LRRC4B: variants seen among roughly 807,000 people sequenced by gnomAD.
LRRC4B encodes leucine-rich repeat-containing protein 4B.
LRRC4B carries 1 observed loss-of-function variant against 7.3 expected under a neutral mutation model. The observed-to-expected ratio is 0.14, with a 90% confidence interval of 0.05 to 0.65. The LOEUF (loss-of-function observed/expected upper bound fraction) is 0.65. Ranked by LOEUF, LRRC4B falls within the 30% of genes least tolerant of loss-of-function variation. The pLI is 0.84. For synonymous variants in LRRC4B, 500 were observed against 499.2 expected (o/e 1.00, Z -0.02); for missense variants, 730 against 1,041.6 (o/e 0.70, Z 4.12).
rs1038026058 is a variant in LRRC4B at position 50,551,384 on chromosome 19, G to A, written c.-35-2511C>T. On this transcript the variant is annotated intron_variant, in intron 1 of 2. Coordinates refer to ENST00000652263, the MANE Select transcript of LRRC4B (RefSeq NM_001080457.2). ...CTGTCGCCCTTCCCACCCCTGGGGG[G>A]GGCTGTCCTTTGGCCACTGCAGCAG... Among the ~76,000 whole-genome samples, 89 of 151,328 alleles carry A rather than the reference G, an allele frequency of 5.9e-4. 2 individuals are homozygous for A. The highest frequency in any genetic ancestry group is 2.0e-4 in the Admixed American group (3 of 15,242).
Position 50,519,564 on chromosome 19 carries a change from G to A in LRRC4B, c.298-149C>T. Reference sequence around the variant, plus strand: ...GACCTATATTGCAACATGGTTTGATGAGTTTCTTATAAAGTTAAAACTGGA... The same window carrying A: ...GACCTATATTGCAACATGGTTTGATAAGTTTCTTATAAAGTTAAAACTGGA... On this transcript the variant is annotated intron_variant, in intron 2 of 2. Transcript: ENST00000652263. The surrounding 1 kb of genome is among the most constrained non-coding windows in gnomAD (Gnocchi z 8.1). 2 of 1,413,306 alleles carry A rather than the reference G, an allele frequency of 1.4e-6. No individual in the cohort carries two copies. The highest frequency in any genetic ancestry group is 2.4e-4 in the Middle Eastern group (1 of 4,114). The allele number at this position is 1,413,306 out of a possible 1,614,324, so 87.5% of individuals were successfully genotyped here.
intron 1 of LRRC4B, among the ~76,000 whole-genome samples, chr19:50,565,089 C>T (rs996557536): frequency 6.6e-6 from 1 of 152,188 alleles, no homozygotes; most frequent in African/African-American, 2.4e-5. Flanking sequence ...ACTCTCAGGG[C>T]TGTCTCTGAG....
At chr19:50,567,049 G>A (rs2892238) in intron 1 of LRRC4B, among the ~76,000 whole-genome samples, 1 of 150,194 alleles carries the variant, frequency 6.7e-6, no homozygotes, top group African/African-American at 2.5e-5. Context: ...GTTAGAGAAG[G>A]CTGAGGAGCA....
In LRRC4B at chr19:50,555,726, G is replaced by A. The variant is rs1229718929; in HGVS notation, c.-35-6853C>T. The A allele has an allele frequency of 6.6e-6, 1 of 152,280 alleles. No individual in the cohort carries two copies. The highest frequency in any genetic ancestry group is 1.5e-5 in the Non-Finnish European group (1 of 68,172). The allele number at this position is 152,280 out of a possible 1,614,324, so 9.4% of individuals were successfully genotyped here. ...GGGGACCCAGGAGAGGCGGGGTGAG[G>A]AGAAATGGGAGGCAGGGAACGTTCC... On this transcript the variant is annotated intron_variant, in intron 1 of 2. Coordinates refer to ENST00000652263, the MANE Select transcript of LRRC4B (RefSeq NM_001080457.2). The surrounding 1 kb of genome is among the most constrained non-coding windows in gnomAD (Gnocchi z 5.2).
intron 2 of LRRC4B, among the ~76,000 whole-genome samples, chr19:50,535,184 T>G (rs1163865428): frequency 6.6e-6 from 1 of 151,772 alleles, no homozygotes; most frequent in Non-Finnish European, 1.5e-5. Context: ...TTTATTTATT[T>G]ATTTTTAAGA....
At chr19:50,567,166 A>AG (rs1160622685) in intron 1 of LRRC4B, among the ~76,000 whole-genome samples, 2 of 40,422 alleles carry the variant, frequency 4.9e-5, no homozygotes, top group Non-Finnish European at 9.6e-5. Flanking sequence ...GGTTTCCAGG[A>AG]GGGGAGGGCG....
chr19:50,518,315 G>A lies in LRRC4B; in HGVS notation c.1398C>T (p.Ser466=), dbSNP rs1017785351. 1.9e-6 allele frequency: 3 copies of A among 1,605,312 alleles called. No individual in the cohort carries two copies. The highest frequency in any genetic ancestry group is 2.5e-6 in the Non-Finnish European group (3 of 1,176,792). Residue 466 remains serine, a synonymous_variant, in exon 3 of 3, where the codon AGC becomes AGT. Coordinates refer to ENST00000652263, the MANE Select transcript of LRRC4B (RefSeq NM_001080457.2). ...VDPVAAGGTG[S]GGGGPGGSGG... ...CACTGCCCCCAGGGCCGCCCCCGCC[G>A]CTGCCGGTGCCCCCGGCCGCCACGG...
chr19:50,523,378 A>G (rs1980663349), intron 2 of LRRC4B, among the ~76,000 whole-genome samples: 1 of 152,190 alleles, frequency 6.6e-6, no homozygotes, highest in African/African-American at 2.4e-5. Context: ...ATGCACCAAA[A>G]GAAAAAAGAG....
At chr19:50,554,182 C>T (rs965894498) in intron 1 of LRRC4B, among the ~76,000 whole-genome samples, 5 of 151,856 alleles carry the variant, frequency 3.3e-5, no homozygotes, top group South Asian at 4.2e-4. Context: ...AAGTTAGAAT[C>T]GGGGGTTTCA....
At position 50,518,256 on chromosome 19, in the gene LRRC4B, T is replaced by C; in HGVS notation, c.1457A>G (p.Tyr486Cys). The change falls in exon 3 of 3, where the codon TAC (tyrosine) becomes TGC (cysteine). Residue 486 changes from tyrosine to cysteine, a missense_variant. This residue lies in a region of LRRC4B where 192 missense variants were observed against 228.6 expected (regional missense o/e 0.84). Transcript: ENST00000652263. ...GGTCTCCACGGTCACCGTGGTGAAG[T>C]AGGTGTAGCCGCCACTGCCCCCTCC... ...GVGGGSGGYT[Y>C]FTTVTVETLE... The C allele has an allele frequency of 6.2e-7, 1 of 1,603,710 alleles. No homozygotes were observed. The highest frequency in any genetic ancestry group is 8.5e-7 in the Non-Finnish European group (1 of 1,176,060).
intron 2 of LRRC4B, among the ~76,000 whole-genome samples, chr19:50,544,569 T>A (rs1981717885): frequency 6.6e-6 from 1 of 151,852 alleles, no homozygotes; most frequent in Admixed American, 6.6e-5. Flanking sequence ...AAAACTCCAT[T>A]TACAAATCAG....
intron 1 of LRRC4B, among the ~76,000 whole-genome samples, chr19:50,558,689 G>C (rs1023540813): frequency 1.7e-4 from 26 of 152,246 alleles, no homozygotes; most frequent in African/African-American, 6.0e-4. Context: ...CATTCGACTT[G>C]ATGTGACTGT....
rs1381886739 is a variant in LRRC4B, at chr19:50,517,493, G to C, written c.*78C>G. On this transcript the variant is annotated 3_prime_UTR_variant, in exon 3 of 3. Coordinates refer to ENST00000652263, the MANE Select transcript of LRRC4B (RefSeq NM_001080457.2). The surrounding 1 kb of genome is among the most constrained non-coding windows in gnomAD (Gnocchi z 6.6). Reference sequence around the variant, plus strand: ...AAGGTGGGCTGGGCTGTGGGAGGGAGGGGTCCCGGTCAGGCTGCGCCCGGG... The same window carrying C: ...AAGGTGGGCTGGGCTGTGGGAGGGACGGGTCCCGGTCAGGCTGCGCCCGGG... The C allele has an allele frequency of 6.3e-6, 8 of 1,260,470 alleles. No individual in the cohort carries two copies. Among genetic ancestry groups the C allele is most frequent in the Non-Finnish European group, 6.1e-6 (6 of 976,896 alleles). 78.1% of individuals were successfully genotyped at this position (1,260,470 alleles called of 1,614,324 possible).
At chr19:50,552,376 C>T (rs1051574764) in intron 1 of LRRC4B, among the ~76,000 whole-genome samples, 7 of 152,056 alleles carry the variant, frequency 4.6e-5, no homozygotes, top group African/African-American at 1.5e-4. Flanking sequence ...CGCCCTGCAC[C>T]GTCACCCCGT....
chr19:50,542,821 C>T (rs1981609903), intron 2 of LRRC4B, among the ~76,000 whole-genome samples: 1 of 152,104 alleles, frequency 6.6e-6, no homozygotes, highest in African/African-American at 2.4e-5. Context: ...TGGGGACCAC[C>T]TACTGTCTCT....
chr19:50,527,036 AT>A (rs35428517), intron 2 of LRRC4B, among the ~76,000 whole-genome samples: 55,516 of 117,202 alleles, frequency 0.47, 11,291 homozygotes, highest in Middle Eastern at 0.57. Flanking sequence ...GTATTTTTGT[AT>A]TTTTTTTTTT....
chr19:50,520,876 G>A (rs2122771126), intron 2 of LRRC4B, among the ~76,000 whole-genome samples: 1 of 152,330 alleles, frequency 6.6e-6, no homozygotes, highest in East Asian at 1.9e-4. Context: ...CGACCCGGCT[G>A]TTCCATTCCT....
rs1980398941 is a variant in LRRC4B at position 50,518,381 on chromosome 19, G to A, written c.1332C>T (p.Asn444=). The part of the protein sequence containing the change: ...YTCMVTNSAG[N]TTASATLNVS... ...CGTTGAGCGTGGCCGAGGCGGTGGT[G>A]TTGCCGGCTGAGTTCGTCACCATGC... Residue 444 remains asparagine, a synonymous_variant, in exon 3 of 3, where the codon AAC becomes AAT. Coordinates refer to ENST00000652263, the MANE Select transcript of LRRC4B (RefSeq NM_001080457.2). The A allele has an allele frequency of 6.3e-7, 1 of 1,589,790 alleles. No individual in the cohort carries two copies.
chr19:50,549,429 C>T (rs1031499516), intron 1 of LRRC4B, among the ~76,000 whole-genome samples: 1 of 152,134 alleles, frequency 6.6e-6, no homozygotes, highest in African/African-American at 2.4e-5. Flanking sequence ...CTCCCCATCC[C>T]AGGGATGTTA....
Sources: gnomAD v4.1 joint callset for allele counts (sites outside exome capture counted in the v4.1 genomes callset) on GRCh38, gnomAD v4.1.1 for gene constraint, gnomAD v4.1.1 regional missense constraint, Gnocchi (gnomAD v3.1) non-coding constraint, MANE v1.5 for transcripts, NCBI Gene and HGNC (gene_info 2026-07-23, HGNC 2026-07-21) for gene names.